The following DACH1 variants were observed in gnomAD, a reference collection of about 807,000 sequenced individuals.
DACH1 encodes the protein dachshund homolog 1.
Under a neutral mutation model 54.2 loss-of-function variants are expected in DACH1, and 12 were observed. The ratio of observed to expected loss-of-function variants is 0.22; its 90% CI spans 0.14 to 0.36. The LOEUF (loss-of-function observed/expected upper bound fraction) is 0.36, where lower values mean the gene tolerates loss of function less well. Ranked by LOEUF, DACH1 falls within the 10% of genes least tolerant of loss-of-function variation. The pLI is 1.00. For missense variants in DACH1, 805 were observed against 929.8 expected (o/e 0.87, Z 1.75); for synonymous variants, 386 against 366.2 (o/e 1.05, Z -0.62).
At chr13:71,485,733 C>T (rs1878447644) in intron 7 of DACH1, among the ~76,000 whole-genome samples, 1 of 151,070 alleles carries the variant, frequency 6.6e-6, no homozygotes, top group Non-Finnish European at 1.5e-5. Flanking sequence ...CAGGCATGTG[C>T]CACCACACCC....
intron 6 of DACH1, among the ~76,000 whole-genome samples, chr13:71,551,995 A>G (rs2138359410): frequency 6.6e-6 from 1 of 152,150 alleles, no homozygotes; most frequent in East Asian, 1.9e-4. Context: ...CCTGAAGCAA[A>G]TCCCCTGGAT....
chr13:71,448,616 T>C (rs1308966448), intron 10 of DACH1, among the ~76,000 whole-genome samples: 4 of 152,326 alleles, frequency 2.6e-5, no homozygotes, highest in African/African-American at 9.6e-5. Flanking sequence ...ACACAAAGTC[T>C]ACATTAAACA....
At chr13:71,723,499 T>C (rs1883325267) in intron 1 of DACH1, among the ~76,000 whole-genome samples, 1 of 152,142 alleles carries the variant, frequency 6.6e-6, no homozygotes, top group Non-Finnish European at 1.5e-5. Context: ...ATTTTATAAC[T>C]TCAGACCGCA....
intron 1 of DACH1, among the ~76,000 whole-genome samples, chr13:71,833,496 T>C (rs887395971): frequency 1.2e-4 from 19 of 152,008 alleles, no homozygotes; most frequent in Non-Finnish European, 2.9e-5. Context: ...TATAAACATA[T>C]TGTGTAGCAT....
At chr13:71,741,057 C>T (rs1884360504) in intron 1 of DACH1, among the ~76,000 whole-genome samples, 2 of 152,078 alleles carry the variant, frequency 1.3e-5, no homozygotes. Context: ...TATTAGTTTT[C>T]TAAAGAAAAA....
At chr13:71,709,200 T>C (rs1882596365) in intron 1 of DACH1, among the ~76,000 whole-genome samples, 1 of 152,026 alleles carries the variant, frequency 6.6e-6, no homozygotes, top group Non-Finnish European at 1.5e-5. Flanking sequence ...TTAACTTATA[T>C]ATGTACTTTT....
intron 1 of DACH1, among the ~76,000 whole-genome samples, chr13:71,756,083 T>C (rs1466949844): frequency 6.6e-6 from 1 of 152,020 alleles, no homozygotes; most frequent in Non-Finnish European, 1.5e-5. Context: ...CAGACAGGAG[T>C]GCGGTAGCCC....
chr13:71,646,626 GA>G (rs1485175336), intron 2 of DACH1, among the ~76,000 whole-genome samples: 3 of 152,088 alleles, frequency 2.0e-5, no homozygotes, highest in African/African-American at 7.2e-5. Context: ...TTAATCACAT[GA>G]AAAACTTCAA....
chr13:71,514,343 G>A (rs1881000040), intron 6 of DACH1, among the ~76,000 whole-genome samples: 2 of 151,730 alleles, frequency 1.3e-5, no homozygotes, highest in East Asian at 3.9e-4. Context: ...GCAACTATAG[G>A]CTAAACTTTT....
intron 3 of DACH1, among the ~76,000 whole-genome samples, 153 bp from the exon 4 acceptor site, chr13:71,573,165 C>T (rs1885320801): frequency 6.6e-6 from 1 of 152,108 alleles, no homozygotes; most frequent in Admixed American, 6.5e-5. Flanking sequence ...GGAAACCAGG[C>T]TTACAGCTAT....
intron 3 of DACH1, among the ~76,000 whole-genome samples, chr13:71,613,637 G>C (rs1334118170): frequency 6.6e-6 from 1 of 152,156 alleles, no homozygotes; most frequent in East Asian, 1.9e-4. Context: ...ATATGGTTTG[G>C]AGGAAGAATA....
chr13:71,742,712 T>C (rs1379003011), intron 1 of DACH1, among the ~76,000 whole-genome samples: 1 of 152,170 alleles, frequency 6.6e-6, no homozygotes, highest in Non-Finnish European at 1.5e-5. Context: ...ATCTTCTTCA[T>C]CTTATACATT....
rs1876180025 is a variant in DACH1, at chr13:71,462,647, C to T, written c.2083+12494G>A. 2.6e-5 allele frequency among the ~76,000 whole-genome samples: 4 copies of T among 151,862 alleles called. No homozygotes were observed. The South Asian group carries it at 6.2e-4, about 24-fold the overall frequency. ...AAAATAGCAAAATCTTTTCAACACTCGGCCTCTACCAGTTACTGTTCTAAC... is the reference window on the plus strand; with the variant it reads ...AAAATAGCAAAATCTTTTCAACACTTGGCCTCTACCAGTTACTGTTCTAAC... On this transcript the variant is annotated intron_variant, in intron 10 of 10. Coordinates refer to ENST00000613252, the MANE Select transcript of DACH1 (RefSeq NM_080759.6).
intron 1 of DACH1, among the ~76,000 whole-genome samples, chr13:71,795,746 A>G (rs1887021295): frequency 2.6e-5 from 4 of 152,196 alleles, no homozygotes. Flanking sequence ...ACTTTGATCA[A>G]GTATTTAACC....
intron 2 of DACH1, among the ~76,000 whole-genome samples, chr13:71,658,379 A>G (rs1879278557): frequency 6.6e-6 from 1 of 152,058 alleles, no homozygotes; most frequent in Non-Finnish European, 1.5e-5. Flanking sequence ...GTGAAACCCC[A>G]TCTCTACTAA....
At chr13:71,715,124 G>C (rs948452054) in intron 1 of DACH1, among the ~76,000 whole-genome samples, 1 of 152,064 alleles carries the variant, frequency 6.6e-6, no homozygotes, top group African/African-American at 2.4e-5. Flanking sequence ...ATAAATTTTA[G>C]ATCTTTATGT....
intron 6 of DACH1, among the ~76,000 whole-genome samples, chr13:71,548,777 G>A (rs1883620994): frequency 6.6e-6 from 1 of 151,954 alleles, no homozygotes; most frequent in African/African-American, 2.4e-5. Flanking sequence ...AGTAGCCGGT[G>A]TGGTGGCGTG....
chr13:71,473,233 T>A (rs1350602422), intron 10 of DACH1, among the ~76,000 whole-genome samples: 1 of 152,152 alleles, frequency 6.6e-6, no homozygotes, highest in Non-Finnish European at 1.5e-5. Context: ...TGAGTGAGGA[T>A]TTTCTATTAC....
intron 1 of DACH1, among the ~76,000 whole-genome samples, chr13:71,842,520 A>G (rs1446536439): frequency 6.6e-6 from 1 of 152,124 alleles, no homozygotes; most frequent in African/African-American, 2.4e-5. Context: ...TGAGACTGCA[A>G]TGAACTGTGA....
Sources: gnomAD v4.1 joint callset for allele counts (sites outside exome capture counted in the v4.1 genomes callset) on GRCh38, gnomAD v4.1.1 for gene constraint, MANE v1.5 for transcripts, NCBI Gene and HGNC (gene_info 2026-07-23, HGNC 2026-07-21) for gene names.